DACH2: variants seen among roughly 807,000 people sequenced by gnomAD.
DACH2 encodes dachshund family transcription factor 2.
In DACH2, 17 loss-of-function variants were observed where a neutral mutation model predicts 35.8. The observed-to-expected ratio is 0.48, with a 90% CI of 0.33 to 0.71. DACH2 has a LOEUF of 0.71. DACH2 is among the 30% of genes least tolerant of loss of function. DACH2 has a pLI of 0.02. For missense variants in DACH2, 469 were observed against 472.7 expected (o/e 0.99, Z 0.07); for synonymous variants, 195 against 177.3 (o/e 1.10, Z -0.79).
intron 3 of DACH2, among the ~76,000 whole-genome samples, chrX:86,588,782 T>G (rs1411275538): frequency 9.0e-6 from 1 of 111,142 alleles, no homozygotes; most frequent in Non-Finnish European, 1.9e-5. Context: ...TGGGGTTTCC[T>G]AGGTATTGAA....
At chrX:86,428,456 A>C in intron 2 of DACH2, among the ~76,000 whole-genome samples, 1 of 112,072 alleles carries the variant, frequency 8.9e-6, no homozygotes, top group Non-Finnish European at 1.9e-5. Context: ...CCACCATGCT[A>C]ATGCCTCTTT....
At chrX:86,825,645 C>T (rs978011564) in intron 11 of DACH2, among the ~76,000 whole-genome samples, 7 of 111,291 alleles carry the variant, frequency 6.3e-5, no homozygotes, top group East Asian at 5.7e-4. Context: ...GTGTTCCATA[C>T]GTGTTAGTTT....
chrX:86,618,308 C>T (rs182810605), intron 3 of DACH2, among the ~76,000 whole-genome samples: 3 of 111,890 alleles, frequency 2.7e-5, no homozygotes, highest in Non-Finnish European at 5.6e-5. Flanking sequence ...AGTTTATGAG[C>T]TCAATGAATA....
At chrX:86,657,020 T>A (rs1185283217) in intron 4 of DACH2, among the ~76,000 whole-genome samples, 1 of 107,004 alleles carries the variant, frequency 9.3e-6, no homozygotes, top group Admixed American at 1.0e-4. Context: ...ATATTCTCAC[T>A]TATTTGTGGG....
chrX:86,179,728 C>G (rs755973990), intron 1 of DACH2, among the ~76,000 whole-genome samples: 1 of 110,824 alleles, frequency 9.0e-6, no homozygotes, highest in South Asian at 3.7e-4. Context: ...AATGAAGGAG[C>G]TGGCTTGCTC....
At chrX:86,310,566 TC>T (rs1429569080) in intron 1 of DACH2, among the ~76,000 whole-genome samples, 44 of 111,906 alleles carry the variant, frequency 3.9e-4, no homozygotes, top group African/African-American at 1.4e-3. Context: ...AGGGAAATCT[TC>T]CCAGTGGGCA....
intron 1 of DACH2, among the ~76,000 whole-genome samples, chrX:86,341,395 CA>C (rs1332665617): frequency 8.9e-6 from 1 of 111,752 alleles, no homozygotes; most frequent in Non-Finnish European, 1.9e-5. Flanking sequence ...TGTTTGTTTA[CA>C]GCACGGCTTA....
chrX:86,159,529 A>G (rs1392771615), intron 1 of DACH2, among the ~76,000 whole-genome samples: 1 of 112,135 alleles, frequency 8.9e-6, no homozygotes, highest in Non-Finnish European at 1.9e-5. Context: ...TCCATAGTAC[A>G]TTTTATGCAA....
At chrX:86,571,582 C>T (rs936125233) in intron 3 of DACH2, among the ~76,000 whole-genome samples, 3 of 110,308 alleles carry the variant, frequency 2.7e-5, no homozygotes, top group African/African-American at 9.9e-5. Flanking sequence ...TGTTCTCACT[C>T]ATAGGTGGGA....
At chrX:86,486,796 G>T (rs774614249) in intron 2 of DACH2, among the ~76,000 whole-genome samples, 1 of 111,563 alleles carries the variant, frequency 9.0e-6, no homozygotes, top group Admixed American at 9.6e-5. Flanking sequence ...CTTAAAATAG[G>T]GATAGTAGTA....
intron 11 of DACH2, among the ~76,000 whole-genome samples, chrX:86,826,094 T>G (rs946354264): frequency 1.8e-5 from 2 of 111,482 alleles, no homozygotes; most frequent in African/African-American, 6.5e-5. Flanking sequence ...ATTTGGCCTA[T>G]AAGTGATGTG....
chrX:86,189,555 C>A (rs781050439), intron 1 of DACH2, among the ~76,000 whole-genome samples: 14 of 111,223 alleles, frequency 1.3e-4, no homozygotes, highest in Non-Finnish European at 2.1e-4. Flanking sequence ...TATAAAGTAG[C>A]GTGTTTGTTA....
chrX:86,522,311 A>G (rs1220282597), intron 3 of DACH2, among the ~76,000 whole-genome samples: 1 of 111,619 alleles, frequency 9.0e-6, no homozygotes, highest in Non-Finnish European at 1.9e-5. Flanking sequence ...TTATTTAGGT[A>G]CCTGAAATCA....
intron 2 of DACH2, among the ~76,000 whole-genome samples, chrX:86,487,044 C>T (rs186484189): frequency 9.0e-6 from 1 of 111,502 alleles, no homozygotes; most frequent in Non-Finnish European, 1.9e-5. Flanking sequence ...TTTGTAATTT[C>T]TTCTCTAAAG....
chrX:86,472,005 A>T (rs1486878448), intron 2 of DACH2, among the ~76,000 whole-genome samples: 1 of 112,253 alleles, frequency 8.9e-6, no homozygotes, highest in Non-Finnish European at 1.9e-5. Context: ...AACCTATTAG[A>T]TTTTTATTTG....
intron 2 of DACH2, among the ~76,000 whole-genome samples, chrX:86,477,336 G>A (rs867838296): frequency 2.0e-3 from 95 of 47,000 alleles, no homozygotes; most frequent in Middle Eastern, 0.031. Context: ...TCAGTGTTGA[G>A]TGCATATATA....
In DACH2 at chrX:86,591,854, A is replaced by T. The variant is rs772686974; in HGVS notation, c.641-59182A>T. 7.2e-5 allele frequency among the ~76,000 whole-genome samples: 8 copies of T among 110,820 alleles called. 1 individual carries two copies. The South Asian group carries it at 3.0e-3, about 42-fold the overall frequency. Reference sequence around the variant, plus strand: ...CCCGGCTTCTTTGGCTAAATTTTTAATTTGATTGTTTATTTTCTTATTGTT... The same window carrying T: ...CCCGGCTTCTTTGGCTAAATTTTTATTTTGATTGTTTATTTTCTTATTGTT... On this transcript the variant is annotated intron_variant, in intron 3 of 11. Transcript: ENST00000373125.
chrX:86,532,313 A>T (rs745730748), intron 3 of DACH2, among the ~76,000 whole-genome samples: 17 of 111,220 alleles, frequency 1.5e-4, no homozygotes, highest in Non-Finnish European at 3.0e-4. Context: ...GGGTATAATG[A>T]TGTAGTTTGT....
At chrX:86,276,744 T>C (rs1462890736) in intron 1 of DACH2, among the ~76,000 whole-genome samples, 2 of 112,312 alleles carry the variant, frequency 1.8e-5, no homozygotes, top group African/African-American at 6.5e-5. Context: ...TTCTTCTGCA[T>C]GTGGAATTCC....
Sources: allele counts gnomAD v4.1 joint callset (sites outside exome capture counted in the v4.1 genomes callset), GRCh38; gene constraint gnomAD v4.1.1; transcripts MANE v1.5; gene names NCBI Gene and HGNC (gene_info 2026-07-23, HGNC 2026-07-21).